PPP6R2: variants seen among roughly 807,000 people sequenced by gnomAD.
PPP6R2 encodes serine/threonine-protein phosphatase 6 regulatory subunit 2.
In PPP6R2, 62 loss-of-function variants were observed where a neutral mutation model predicts 100.2. That is an observed-to-expected ratio of 0.62 (90% CI 0.50 to 0.76). PPP6R2 has a LOEUF of 0.76. Ranked by LOEUF, PPP6R2 falls within the 30% of genes least tolerant of loss-of-function variation. PPP6R2 has a pLI of 0.00. For missense variants in PPP6R2, 1,142 were observed against 1,276.3 expected, an observed-to-expected ratio of 0.89 and a Z score of 1.60; for synonymous variants, 525 against 514.7, an observed-to-expected ratio of 1.02 and a Z score of -0.27.
chr22:50,338,346 G>A (rs1324269387), upstream of PPP6R2, among the ~76,000 whole-genome samples: 1 of 147,822 alleles, frequency 6.8e-6, no homozygotes, highest in African/African-American at 2.5e-5. Flanking sequence ...TATGTAGTGT[G>A]TGTGGTATAT....
intron 1 of PPP6R2, among the ~76,000 whole-genome samples, chr22:50,360,443 G>T (rs1200558333): frequency 3.3e-5 from 5 of 150,628 alleles, no homozygotes; most frequent in Non-Finnish European, 7.4e-5. Context: ...ACTCACTGCA[G>T]TCTTGAACTC....
At chr22:50,378,884 A>G (rs1421968852) in intron 2 of PPP6R2, among the ~76,000 whole-genome samples, 1 of 109,472 alleles carries the variant, frequency 9.1e-6, no homozygotes, top group Non-Finnish European at 1.7e-5. Flanking sequence ...TGTCCCAATT[A>G]AAAAAAAAAA....
At chr22:50,349,315 GATCACTCC>G (rs2148023134) in intron 1 of PPP6R2, among the ~76,000 whole-genome samples, 1 of 139,676 alleles carries the variant, frequency 7.2e-6, no homozygotes, top group East Asian at 2.2e-4. Flanking sequence ...AGTGAGCTGT[GATCACTCC>G]ATTGCACTCC....
intron 22 of PPP6R2, among the ~76,000 whole-genome samples, chr22:50,441,361 C>T (rs2065573430): frequency 6.6e-6 from 1 of 152,198 alleles, no homozygotes. Context: ...CCCCAGATCC[C>T]AGTTGGAGAG....
the PPP6R2 span, among the ~76,000 whole-genome samples, chr22:50,337,391 GT>G: frequency 7.5e-6 from 1 of 133,316 alleles, no homozygotes; most frequent in African/African-American, 2.8e-5. Flanking sequence ...GTGTGTGTGT[GT>G]AGTGTGTGTG....
chr22:50,437,185 C>T (rs2064507124), intron 15 of PPP6R2, 117 bp downstream of exon 15: 16 of 1,034,872 alleles, frequency 1.5e-5, no homozygotes, highest in Middle Eastern at 3.0e-4. Context: ...AGCGGGGGCT[C>T]GTCTCCGAGC....
chr22:50,383,904 T>G (rs993929615), intron 2 of PPP6R2, among the ~76,000 whole-genome samples: 2 of 151,730 alleles, frequency 1.3e-5, no homozygotes, highest in Non-Finnish European at 2.9e-5. Context: ...GGCATGATGG[T>G]GGATGCCTGT....
At position 50,431,275 on chromosome 22, in the gene PPP6R2, G is replaced by A. The variant is rs1156295469; in HGVS notation, c.1228G>A (p.Ala410Thr). 6.2e-7 allele frequency: 1 copy of A among 1,613,654 alleles called. No homozygotes were observed. Among genetic ancestry groups the A allele is most frequent in the Non-Finnish European group, 8.5e-7 (1 of 1,180,036 alleles). The change falls in exon 11 of 24, where the codon GCC becomes ACC. Residue 410 changes from alanine (A) to threonine (T), a missense_variant. Transcript: ENST00000612753. This position sits in a 1 kb window ranked among gnomAD's most constrained non-coding sequence, Gnocchi z 4.8. ...CGCTGCCCGTGAGGAGAGGACAGAA[G>A]CCAGCGGATCCGAGAGCAGGGTGGA... Reference protein sequence around the residue: ...SHAAREERTEASGSESRVEPP... With the variant: ...SHAAREERTETSGSESRVEPP...
At chr22:50,335,192 C>T in the PPP6R2 span, among the ~76,000 whole-genome samples, 2 of 148,906 alleles carry the variant, frequency 1.3e-5, no homozygotes, top group Non-Finnish European at 3.0e-5. Context: ...GCTGGGACTA[C>T]AGGTGCCCGC....
In PPP6R2 at chr22:50,439,606, C is replaced by G. The variant is rs2065142476; in HGVS notation, c.2129-95C>G. 54 of 1,372,718 alleles carry G rather than the reference C, an allele frequency of 3.9e-5. 1 individual carries two copies. The South Asian group carries it at 7.7e-4, about 20-fold the overall frequency. The allele number at this position is 1,372,718 out of a possible 1,614,324, so 85.0% of individuals were successfully genotyped here. ...GGAGCAGCCCCATCTTCCTGTCAAC[C>G]TCTGAGGGGCTCCCGGGGCAGGGGC... On this transcript the variant is annotated intron_variant, in intron 19 of 23. Transcript: ENST00000612753.
chr22:50,394,583 G>A (rs1394243640), intron 3 of PPP6R2, among the ~76,000 whole-genome samples: 2 of 122,158 alleles, frequency 1.6e-5, no homozygotes. Context: ...TGGGTGACAA[G>A]AGTGAAACCC....
chr22:50,414,718 G>A (rs745334308), intron 5 of PPP6R2, 29 bp downstream of exon 5: 24 of 1,600,948 alleles, frequency 1.5e-5, no homozygotes, highest in East Asian at 1.3e-4. Context: ...CCCCGTTCCC[G>A]AGGGCAGGGG....
At chr22:50,408,943 C>A (rs9616835) in intron 4 of PPP6R2, among the ~76,000 whole-genome samples, 28,944 of 152,110 alleles carry the variant, frequency 0.19, 3,063 homozygotes, top group East Asian at 0.24. Context: ...GGAGAAACCC[C>A]GTCTCTACTA....
chr22:50,386,393 G>A (rs1287305924), intron 2 of PPP6R2, among the ~76,000 whole-genome samples: 1 of 151,366 alleles, frequency 6.6e-6, no homozygotes, highest in African/African-American at 2.4e-5. Flanking sequence ...CACCTGCCTC[G>A]ACCACCCAAA....
chr22:50,365,560 T>A (rs1402148209), intron 1 of PPP6R2, among the ~76,000 whole-genome samples: 1 of 151,138 alleles, frequency 6.6e-6, no homozygotes, highest in African/African-American at 2.4e-5. Flanking sequence ...GCGCCTGTAG[T>A]CCCAGCTACT....
chr22:50,442,700 C>T (rs1228366100), intron 22 of PPP6R2, among the ~76,000 whole-genome samples: 2 of 152,058 alleles, frequency 1.3e-5, no homozygotes, highest in African/African-American at 4.8e-5. Flanking sequence ...CAGGCATCCG[C>T]CACCACCAGG....
At chr22:50,369,905 A>ATT (rs1353992863) in intron 1 of PPP6R2, among the ~76,000 whole-genome samples, 11,087 of 123,504 alleles carry the variant, frequency 0.09, 1,458 homozygotes, top group African/African-American at 0.3. Flanking sequence ...CAGCTAAGTA[A>ATT]TTTTTTTTTT....
intron 1 of PPP6R2, among the ~76,000 whole-genome samples, chr22:50,349,959 A>AT (rs2044656343): frequency 6.6e-6 from 1 of 151,828 alleles, no homozygotes; most frequent in South Asian, 2.1e-4. Flanking sequence ...CTCTACTAAA[A>AT]ATACAAAAAT....
intron 2 of PPP6R2, among the ~76,000 whole-genome samples, chr22:50,381,359 C>T (rs1412474305): frequency 1.3e-5 from 1 of 76,668 alleles, no homozygotes; most frequent in African/African-American, 7.6e-5. Context: ...CGGGCCCCAC[C>T]TCAGCACCAC....
Sources: gnomAD v4.1 joint callset for allele counts (sites outside exome capture counted in the v4.1 genomes callset) on GRCh38, gnomAD v4.1.1 for gene constraint, Gnocchi (gnomAD v3.1) non-coding constraint, MANE v1.5 for transcripts, NCBI Gene and HGNC (gene_info 2026-07-23, HGNC 2026-07-21) for gene names.